ZNF429: variants seen among roughly 807,000 people sequenced by gnomAD.
ZNF429 encodes zinc finger protein 429.
Under a neutral mutation model 56.8 loss-of-function variants are expected in ZNF429, and 53 were observed. The observed-to-expected ratio is 0.93, with a 90% CI of 0.75 to 1.17. The LOEUF (loss-of-function observed/expected upper bound fraction) is 1.17, where lower values mean the gene tolerates loss of function less well. Among genes scored for constraint, ZNF429 ranks in the 50% most tolerant of loss-of-function variants. The pLI is 0.00. For missense variants in ZNF429, 849 were observed against 788.4 expected, an observed-to-expected ratio of 1.08 and a Z score of -0.92; for synonymous variants, 278 against 264.7, an observed-to-expected ratio of 1.05 and a Z score of -0.49.
chr19:21,512,688 GGAAA>G (rs1409986376), intron 1 of ZNF429, among the ~76,000 whole-genome samples: 2 of 147,080 alleles, frequency 1.4e-5, no homozygotes, highest in Admixed American at 1.4e-4. Flanking sequence ...AAAAAAAGGA[GGAAA>G]GAATGCCTTA....
At chr19:21,531,147 C>G in intron 3 of ZNF429, among the ~76,000 whole-genome samples, 1 of 138,574 alleles carries the variant, frequency 7.2e-6, no homozygotes, top group African/African-American at 2.7e-5. Flanking sequence ...AAAAAAAACA[C>G]CCGTCTTGGT....
intron 1 of ZNF429, chr19:21,521,281 T>C (rs780086923): frequency 2.6e-5 from 4 of 152,216 alleles, no homozygotes; most frequent in African/African-American, 4.8e-5. Context: ...AGCTCTTTAG[T>C]TAACTATGTT....
Position 21,511,575 on chromosome 19 carries a change from C to T in ZNF429, c.3+5801C>T, listed in dbSNP as rs567406342. Among the ~76,000 whole-genome samples the T allele has an allele frequency of 6.6e-4, 100 of 150,794 alleles. 1 individual carries two copies. In the East Asian group the frequency reaches 0.015, roughly 22 times the overall value. The stretch of plus-strand genomic sequence containing the variant: ...AGATGGGATGGCGGCTGGACAGAGA[C>T]GCTCCTCACTTTCCAGACTGGGCAG... On this transcript the variant is annotated intron_variant, in intron 1 of 3. Coordinates refer to ENST00000358491, the MANE Select transcript of ZNF429 (RefSeq NM_001001415.4).
At chr19:21,531,532 G>A in intron 3 of ZNF429, among the ~76,000 whole-genome samples, 6 of 152,118 alleles carry the variant, frequency 3.9e-5, no homozygotes, top group Admixed American at 1.3e-4. Flanking sequence ...GGCTGAGCAC[G>A]GTGGCTCATG....
chr19:21,529,592 A>G, intron 1 of ZNF429, 66 bp from the exon 2 acceptor site: 3 of 1,349,270 alleles, frequency 2.2e-6, no homozygotes, highest in South Asian at 2.0e-5. Context: ...AATTCTACCC[A>G]TGGGCACTTG....
rs985726788 is a variant in ZNF429, at chr19:21,538,172, G to T, written c.*94G>T. Reference sequence around the variant, plus strand: ...TGGGCACTTGTAGTCCCACCTACTCGGGAGGCTGAGGCAGGAGAATGGCCT... The same window carrying T: ...TGGGCACTTGTAGTCCCACCTACTCTGGAGGCTGAGGCAGGAGAATGGCCT... On this transcript the variant is annotated 3_prime_UTR_variant, in exon 4 of 4. Transcript: ENST00000358491. 213 of 569,410 alleles carry T rather than the reference G, an allele frequency of 3.7e-4. 1 individual carries two copies. The highest frequency in any genetic ancestry group is 4.2e-4 in the Non-Finnish European group (143 of 338,224). 35.3% of individuals were successfully genotyped at this position (569,410 alleles called of 1,614,324 possible).
At chr19:21,519,676 G>C (rs1420203929) in intron 1 of ZNF429, among the ~76,000 whole-genome samples, 1 of 152,146 alleles carries the variant, frequency 6.6e-6, no homozygotes, top group Non-Finnish European at 1.5e-5. Context: ...GTCTCTGGAT[G>C]TTAATCCACT....
At chr19:21,535,412 T>TTTC in intron 3 of ZNF429, among the ~76,000 whole-genome samples, 12 of 55,388 alleles carry the variant, frequency 2.2e-4, no homozygotes, top group South Asian at 2.0e-3. Context: ...TTTCTTTTTC[T>TTTC]TTTCTTTCTT....
rs1465701522 is a variant in ZNF429 at position 21,537,271 on chromosome 19, T to C, written c.1218T>C (p.Phe406=). 2.5e-6 allele frequency: 4 copies of C among 1,613,960 alleles called. No individual in the cohort carries two copies. Among genetic ancestry groups the C allele is most frequent in the Non-Finnish European group, 3.4e-6 (4 of 1,180,020 alleles). Residue 406 remains phenylalanine (F), a synonymous_variant, in exon 4 of 4, where the codon TTT becomes TTC. Coordinates refer to ENST00000358491, the MANE Select transcript of ZNF429 (RefSeq NM_001001415.4). ...AATTTGAAAAATGTGGCAGAGTTTT[T>C]ACCTGTTCCTCAACACTTACTCAAG... The part of the protein sequence containing the change: ...PYKFEKCGRV[F]TCSSTLTQDK...
At chr19:21,510,439 A>G (rs2032396451) in intron 1 of ZNF429, among the ~76,000 whole-genome samples, 1 of 152,196 alleles carries the variant, frequency 6.6e-6, no homozygotes, top group African/African-American at 2.4e-5. Context: ...GATCACACGC[A>G]AGAAAGAATT....
intron 1 of ZNF429, among the ~76,000 whole-genome samples, chr19:21,511,960 G>T (rs563022168): frequency 9.2e-5 from 14 of 152,178 alleles, no homozygotes; most frequent in Admixed American, 3.3e-4. Flanking sequence ...GCCTGGAATC[G>T]CAGGCACTCG....
rs1365551833 is a variant in ZNF429 at position 21,540,198 on chromosome 19, G to A, written c.*2120G>A. On this transcript the variant is annotated 3_prime_UTR_variant, in exon 4 of 4. Coordinates refer to ENST00000358491, the MANE Select transcript of ZNF429 (RefSeq NM_001001415.4). Reference sequence around the variant, plus strand: ...ATGTTAAGACTATTGTGCATTTAATGAAGCATTATTATGCTATCAACTTTA... The same window carrying A: ...ATGTTAAGACTATTGTGCATTTAATAAAGCATTATTATGCTATCAACTTTA... Among the ~76,000 whole-genome samples, 1 of 152,046 alleles carries A rather than the reference G, an allele frequency of 6.6e-6. No individual in the cohort carries two copies. The highest frequency in any genetic ancestry group is 1.5e-5 in the Non-Finnish European group (1 of 68,000).
intron 1 of ZNF429, among the ~76,000 whole-genome samples, chr19:21,516,314 C>T (rs1201123640): frequency 6.6e-6 from 1 of 152,012 alleles, no homozygotes; most frequent in Non-Finnish European, 1.5e-5. Context: ...GCTTCAATCC[C>T]CTGACCTTGT....
rs768631408 is a variant in ZNF429 at position 21,505,645 on chromosome 19, C to G, written c.-127C>G. 3 of 996,326 alleles carry G rather than the reference C, an allele frequency of 3.0e-6. No homozygotes were observed. The highest frequency in any genetic ancestry group is 4.8e-5 in the Admixed American group (2 of 41,364). The allele number at this position is 996,326 out of a possible 1,614,324, so 61.7% of individuals were successfully genotyped here. A position where few individuals can be genotyped will look rare whatever the true frequency, so the allele number is the denominator to read the frequency against. ...CGGGGCGTTTGGCTCTTGCTGCAGC[C>G]AGAGCTCCAGGTCTCGTCTTCATTT... is the stretch of plus-strand genomic sequence containing the variant. On this transcript the variant is annotated 5_prime_UTR_variant, in exon 1 of 4. Coordinates refer to ENST00000358491, the MANE Select transcript of ZNF429 (RefSeq NM_001001415.4).
Position 21,538,128 on chromosome 19 carries a change from AAT to A in ZNF429, c.*51_*52del. ...AAAATACAAAAAAAAAAAAAAAAAA[AAT>A]TAGCCAGGCGTGGTGGTGGGCACTT... On this transcript the variant is annotated 3_prime_UTR_variant, in exon 4 of 4. Transcript: ENST00000358491. The A allele has an allele frequency of 4.1e-6, 3 of 723,008 alleles. No individual in the cohort carries two copies. The highest frequency in any genetic ancestry group is 2.0e-5 in the South Asian group (1 of 50,018). 44.8% of individuals were successfully genotyped at this position (723,008 alleles called of 1,614,324 possible).
At chr19:21,509,089 A>C (rs890551662) in intron 1 of ZNF429, among the ~76,000 whole-genome samples, 1 of 151,786 alleles carries the variant, frequency 6.6e-6, no homozygotes, top group African/African-American at 2.4e-5. Flanking sequence ...GCTCACTGCA[A>C]CTTCTGCCTC....
At chr19:21,535,028 C>T in intron 3 of ZNF429, among the ~76,000 whole-genome samples, 4 of 147,830 alleles carry the variant, frequency 2.7e-5, no homozygotes, top group South Asian at 2.1e-4. Context: ...GGGGTTTCAC[C>T]GTTTTAGCCG....
rs139760198 is a variant in ZNF429 at position 21,509,852 on chromosome 19, T to C, written c.3+4078T>C. ...TTGCAACAGGAGGAAATACCAACCA[T>C]AAGAGCTTTAAGGATTGCAAAGTTT... On this transcript the variant is annotated intron_variant, in intron 1 of 3. Coordinates refer to ENST00000358491, the MANE Select transcript of ZNF429 (RefSeq NM_001001415.4). Among the ~76,000 whole-genome samples, 880 of 152,196 alleles carry C rather than the reference T, an allele frequency of 5.8e-3. 14 individuals are homozygous for C. The highest frequency in any genetic ancestry group is 0.02 in the African/African-American group (826 of 41,546).
chr19:21,530,362 A>C, intron 2 of ZNF429, among the ~76,000 whole-genome samples: 1 of 152,150 alleles, frequency 6.6e-6, no homozygotes, highest in African/African-American at 2.4e-5. Flanking sequence ...CCACACCTTA[A>C]AATCTAATTG....
Sources: gnomAD v4.1 joint callset for allele counts (sites outside exome capture counted in the v4.1 genomes callset) on GRCh38, gnomAD v4.1.1 for gene constraint, MANE v1.5 for transcripts, NCBI Gene and HGNC (gene_info 2026-07-23, HGNC 2026-07-21) for gene names.